HMMR: variants seen among roughly 807,000 people sequenced by gnomAD.
HMMR encodes the protein intracellular hyaluronic acid-binding protein.
In HMMR, 108 loss-of-function variants were observed where a neutral mutation model predicts 101.0. The ratio of observed to expected loss-of-function variants is 1.07; its 90% CI spans 0.92 to 1.25. The LOEUF is 1.25. HMMR is among the 50% of genes most tolerant of loss of function. The probability of loss-of-function intolerance (pLI) is 0.00; values close to 1 mark genes in which losing one functional copy is unlikely to be tolerated. For synonymous variants in HMMR, 296 were observed against 276.4 expected, an observed-to-expected ratio of 1.07 and a Z score of -0.70; for missense variants, 813 against 788.7, an observed-to-expected ratio of 1.03 and a Z score of -0.37.
chr5:163,475,802 TATTA>T (rs962238124), intron 11 of HMMR, 130 bp downstream of exon 11: 21 of 443,146 alleles, frequency 4.7e-5, no homozygotes, highest in Non-Finnish European at 6.4e-5. Context: ...AAGTAGTAAT[TATTA>T]ATTATTTTAC....
At chr5:163,490,721 G>A (rs1581206748) in intron 17 of HMMR, among the ~76,000 whole-genome samples, 169 bp downstream of exon 17, 2 of 152,018 alleles carry the variant, frequency 1.3e-5, no homozygotes, top group Admixed American at 6.6e-5. Context: ...CTCCTTCTAC[G>A]CTTTCTTTTC....
intron 10 of HMMR, chr5:163,474,735 A>G: frequency 2.6e-6 from 1 of 385,898 alleles, no homozygotes; most frequent in East Asian, 7.2e-5. Context: ...ATTGGCACAA[A>G]TTAAAACATT....
Position 163,479,985 on chromosome 5 carries a change from G to A in HMMR, c.1385+1185G>A, listed in dbSNP as rs1234463490. 2.0e-5 allele frequency among the ~76,000 whole-genome samples: 3 copies of A among 152,060 alleles called. No homozygotes were observed. The East Asian group carries it at 5.8e-4, about 29-fold the overall frequency. On this transcript the variant is annotated intron_variant, in intron 12 of 17. Transcript: ENST00000393915. ...ATTTTTATTTATCACATTTACTTTAGCTCATTTTGGGGGAGAGTTTCCTTT... is the reference window on the plus strand; with the variant it reads ...ATTTTTATTTATCACATTTACTTTAACTCATTTTGGGGGAGAGTTTCCTTT...
intron 5 of HMMR, among the ~76,000 whole-genome samples, chr5:163,470,424 C>G (rs916616561): frequency 6.6e-6 from 1 of 152,078 alleles, no homozygotes; most frequent in Non-Finnish European, 1.5e-5. Context: ...GATTTTGAGA[C>G]TAGCCTAGCC....
At chr5:163,488,802 T>C (rs189974525) in intron 16 of HMMR, among the ~76,000 whole-genome samples, 3 of 152,324 alleles carry the variant, frequency 2.0e-5, no homozygotes, top group East Asian at 3.9e-4. Flanking sequence ...TTTGTAGGGA[T>C]TGCATACGAG....
chr5:163,465,831 C>T (rs1366759246), intron 3 of HMMR, among the ~76,000 whole-genome samples: 2 of 151,854 alleles, frequency 1.3e-5, no homozygotes, highest in Non-Finnish European at 2.9e-5. Context: ...CGTGGTGGCA[C>T]GTGCCTGTAG....
intron 16 of HMMR, among the ~76,000 whole-genome samples, chr5:163,488,633 C>A (rs1759568240): frequency 6.6e-6 from 1 of 152,174 alleles, no homozygotes; most frequent in African/African-American, 2.4e-5. Context: ...CCCACAATTA[C>A]CCTGGGATGA....
At chr5:163,465,855 G>A (rs1758687460) in intron 3 of HMMR, among the ~76,000 whole-genome samples, 1 of 151,912 alleles carries the variant, frequency 6.6e-6, no homozygotes, top group Admixed American at 6.6e-5. Context: ...CAGCTACTTG[G>A]GAAGCTGAGG....
intron 10 of HMMR, among the ~76,000 whole-genome samples, chr5:163,475,082 G>C (rs1759026190): frequency 6.6e-6 from 1 of 151,964 alleles, no homozygotes. Context: ...TGATGTATTT[G>C]TATATTGTAT....
rs182979055 is a variant in HMMR, at chr5:163,482,574, C to G, written c.1386-68C>G. The G allele has an allele frequency of 1.4e-3, 1,556 of 1,131,550 alleles. 4 individuals are homozygous for G. The highest frequency in any genetic ancestry group is 3.1e-3 in the Admixed American group (152 of 49,006). 70.1% of individuals were successfully genotyped at this position (1,131,550 alleles called of 1,614,324 possible). ...TACTTAGAAGTATATAAAGTGTAAA[C>G]TAATCAGTTATGATTGTCATACGCA... is the stretch of plus-strand genomic sequence containing the variant. On this transcript the variant is annotated intron_variant, in intron 12 of 17. Coordinates refer to ENST00000393915, the MANE Select transcript of HMMR (RefSeq NM_001142556.2).
rs1758971313 is a variant in HMMR at position 163,473,574 on chromosome 5, T to C, written c.904+17T>C. 1 of 1,493,722 alleles carries C rather than the reference T, an allele frequency of 6.7e-7. No individual in the cohort carries two copies. The highest frequency in any genetic ancestry group is 1.4e-5 in the African/African-American group (1 of 70,898). The allele number at this position is 1,493,722 out of a possible 1,614,324, so 92.5% of individuals were successfully genotyped here. On this transcript the variant is annotated intron_variant, in intron 9 of 17. Transcript: ENST00000393915. ...AAGAAAAAGGTATTACAGTGTTTTA[T>C]AGTTACTTTGTTTAGATAAGTGTTA...
Position 163,465,852 on chromosome 5 carries a change from T to C in HMMR, c.225+1050T>C, listed in dbSNP as rs555325620. Among the ~76,000 whole-genome samples, 3 of 151,860 alleles carry C rather than the reference T, an allele frequency of 2.0e-5. No homozygotes were observed. In the South Asian group the frequency reaches 6.2e-4, roughly 32 times the overall value. Reference sequence around the variant, plus strand: ...GGCACGTGCCTGTAGTCCCAGCTACTTGGGAAGCTGAGGCAGGAGAATTGC... The same window carrying C: ...GGCACGTGCCTGTAGTCCCAGCTACCTGGGAAGCTGAGGCAGGAGAATTGC... On this transcript the variant is annotated intron_variant, in intron 3 of 17. Coordinates refer to ENST00000393915, the MANE Select transcript of HMMR (RefSeq NM_001142556.2).
chr5:163,483,360 C>A lies in HMMR; in HGVS notation c.1778C>A (p.Pro593His), dbSNP rs1319839653. ...LYEELYNKTK[P>H]FQLQLDAFEV... ...GAAGAACTATATAATAAAACAAAAC[C>A]TTTTCAGGTTTGTCAGTTAGGAGTA... Residue 593 changes from proline (P) to histidine (H), a missense_variant, in exon 15 of 18, where the codon CCT (proline) becomes CAT (histidine). Transcript: ENST00000393915. 1 of 1,559,098 alleles carries A rather than the reference C, an allele frequency of 6.4e-7. No individual in the cohort carries two copies. The highest frequency in any genetic ancestry group is 1.1e-5 in the South Asian group (1 of 87,740).
chr5:163,478,359 G>A (rs1759136927), intron 11 of HMMR, among the ~76,000 whole-genome samples: 2 of 152,174 alleles, frequency 1.3e-5, no homozygotes, highest in Non-Finnish European at 2.9e-5. Context: ...CAATCCAGAT[G>A]TTTTTTGACT....
Position 163,490,428 on chromosome 5 carries a change from A to C in HMMR, c.2001A>C (p.Lys667Asn), listed in dbSNP as rs775777768. The C allele has an allele frequency of 1.3e-6, 2 of 1,594,376 alleles. No homozygotes were observed. The highest frequency in any genetic ancestry group is 3.7e-5 in the Admixed American group (2 of 54,380). Residue 667 changes from lysine to asparagine, a missense_variant, in exon 17 of 18, where the codon AAA becomes AAC. Coordinates refer to ENST00000393915, the MANE Select transcript of HMMR (RefSeq NM_001142556.2). ...TCCGCTGTCAGCTTGCTAAAAAAAA[A>C]CAAAGTGAGACAAAACTTCAAGAGG... Reference protein sequence around the residue: ...SKLRCQLAKKKQSETKLQEEL... With the variant: ...SKLRCQLAKKNQSETKLQEEL...
intron 3 of HMMR, 40 bp downstream of exon 3, chr5:163,464,842 T>A (rs911860099): frequency 8.0e-7 from 1 of 1,248,912 alleles, no homozygotes; most frequent in African/African-American, 1.5e-5. Flanking sequence ...ATCAAGTGTA[T>A]CATCAAAAAC....
rs1331278216 is a variant in HMMR, at chr5:163,471,274, G to T, written c.549+3G>T. The T allele has an allele frequency of 1.9e-6, 3 of 1,610,238 alleles. No homozygotes were observed. In the Admixed American group the frequency reaches 5.0e-5, roughly 27 times the overall value. On this transcript the variant is annotated splice_donor_region_variant and intron_variant, in intron 6 of 17. Transcript: ENST00000393915. Reference sequence around the variant, plus strand: ...ACAAAAGAGAAACAAAGATGAGGGTGAGTGCTGCCCTTGGCAGGTTTGCTG... The same window carrying T: ...ACAAAAGAGAAACAAAGATGAGGGTTAGTGCTGCCCTTGGCAGGTTTGCTG...
Position 163,471,473 on chromosome 5 carries a change from T to G in HMMR, c.650+10T>G. On this transcript the variant is annotated intron_variant, in intron 7 of 17. Coordinates refer to ENST00000393915, the MANE Select transcript of HMMR (RefSeq NM_001142556.2). ...AACTGGAGGGAAAACTGTAAGTGAGTGAATGTGAAGAGAAATTGTTAAGTG... is the reference window on the plus strand; with the variant it reads ...AACTGGAGGGAAAACTGTAAGTGAGGGAATGTGAAGAGAAATTGTTAAGTG... The G allele has an allele frequency of 6.4e-7, 1 of 1,560,764 alleles. No individual in the cohort carries two copies.
intron 5 of HMMR, 132 bp from the exon 6 acceptor site, chr5:163,471,053 G>T (rs1164584968): frequency 1.6e-6 from 1 of 632,646 alleles, no homozygotes; most frequent in Non-Finnish European, 2.8e-6. Flanking sequence ...GTCAAAGACT[G>T]TTCTCTCTAC....
Sources: gnomAD v4.1 joint callset for allele counts (sites outside exome capture counted in the v4.1 genomes callset) on GRCh38, gnomAD v4.1.1 for gene constraint, MANE v1.5 for transcripts, NCBI Gene and HGNC (gene_info 2026-07-23, HGNC 2026-07-21) for gene names.